The following XPOT variants were observed in gnomAD, a reference collection of about 807,000 sequenced individuals.
XPOT encodes exportin-T.
Under a neutral mutation model 128.2 loss-of-function variants are expected in XPOT, and 34 were observed. That is an observed-to-expected ratio of 0.27 (90% confidence interval 0.20 to 0.35). The LOEUF (loss-of-function observed/expected upper bound fraction) is 0.35, where lower values mean the gene tolerates loss of function less well. Ranked by LOEUF, XPOT falls within the 10% of genes least tolerant of loss-of-function variation. The pLI is 1.00. For synonymous variants in XPOT, 348 were observed against 394.3 expected, an observed-to-expected ratio of 0.88 and a Z score of 1.39; for missense variants, 838 against 1,125.3, an observed-to-expected ratio of 0.74 and a Z score of 3.65.
chr12:64,430,276 T>C lies in XPOT; in HGVS notation c.1965T>C (p.Val655=), dbSNP rs759406744. 9 of 1,576,934 alleles carry C rather than the reference T, an allele frequency of 5.7e-6. No homozygotes were observed. In the South Asian group the frequency reaches 9.5e-5, roughly 17 times the overall value. Residue 655 remains valine (V), a synonymous_variant, in exon 17 of 25, where the codon GTT becomes GTC. Coordinates refer to ENST00000332707, the MANE Select transcript of XPOT (RefSeq NM_007235.6). ...ASLADCLNHA[V]GFASRTSKAF... is the part of the protein sequence containing the mutation. Reference sequence around the variant, plus strand: ...TAGCAGACTGTCTTAACCATGCTGTTGGATTTGCAAGGTAAGTGTGATCAC... The same window carrying C: ...TAGCAGACTGTCTTAACCATGCTGTCGGATTTGCAAGGTAAGTGTGATCAC...
intron 2 of XPOT, among the ~76,000 whole-genome samples, chr12:64,411,672 T>C (rs927988625): frequency 6.6e-6 from 1 of 152,220 alleles, no homozygotes; most frequent in Non-Finnish European, 1.5e-5. Flanking sequence ...TTAAAGTGAA[T>C]TCTGAAAGCC....
At chr12:64,420,843 C>T (rs1434921095) in intron 8 of XPOT, among the ~76,000 whole-genome samples, 1 of 152,174 alleles carries the variant, frequency 6.6e-6, no homozygotes, top group East Asian at 1.9e-4. Context: ...CTCTGTTGCC[C>T]AGGCTGGAGT....
chr12:64,429,493 G>A (rs2040219562), intron 16 of XPOT, among the ~76,000 whole-genome samples: 1 of 151,488 alleles, frequency 6.6e-6, no homozygotes, highest in Non-Finnish European at 1.5e-5. Context: ...ACCCAGGCTG[G>A]AGTGCAGTGG....
chr12:64,431,252 A>G (rs1392522218), intron 17 of XPOT, among the ~76,000 whole-genome samples: 1 of 152,186 alleles, frequency 6.6e-6, no homozygotes, highest in Non-Finnish European at 1.5e-5. Flanking sequence ...CCCAGTCAAT[A>G]GGATTTTAAT....
intron 3 of XPOT, 44 bp from the exon 4 acceptor site, chr12:64,416,654 C>A: frequency 1.3e-6 from 2 of 1,515,066 alleles, no homozygotes; most frequent in South Asian, 2.3e-5. Flanking sequence ...TTGTTTTCCT[C>A]AGTTCATATT....
intron 15 of XPOT, among the ~76,000 whole-genome samples, chr12:64,426,298 C>CAAAAAA (rs144538945): frequency 1.6e-5 from 2 of 123,670 alleles, no homozygotes; most frequent in Non-Finnish European, 1.6e-5. Context: ...GACTCAGTCT[C>CAAAAAA]AAAAAAAAAA....
intron 2 of XPOT, among the ~76,000 whole-genome samples, chr12:64,410,505 A>G (rs1295983522): frequency 6.6e-6 from 1 of 151,922 alleles, no homozygotes; most frequent in Non-Finnish European, 1.5e-5. Flanking sequence ...ATTTTTTTCT[A>G]GAGATAGGGT....
intron 22 of XPOT, 52 bp from the exon 23 acceptor site, chr12:64,439,192 A>G: frequency 2.0e-6 from 3 of 1,528,766 alleles, no homozygotes; most frequent in Non-Finnish European, 2.7e-6. Context: ...ATTCTTTTTA[A>G]GCTTATTAAT....
chr12:64,430,590 A>G (rs1016654274), intron 17 of XPOT, among the ~76,000 whole-genome samples: 2 of 152,190 alleles, frequency 1.3e-5, no homozygotes, highest in African/African-American at 4.8e-5. Flanking sequence ...GGGACGGGAC[A>G]TCTTTGGTTA....
Position 64,421,476 on chromosome 12 carries a change from GT to G in XPOT, c.1080+10del. ...TATCTTCATATTTTGAAACAGGTAA[GT>G]TTTTGTTTTATTCTTTTTGCTCAAT... On this transcript the variant is annotated splice_donor_region_variant and intron_variant, in intron 9 of 24. Coordinates refer to ENST00000332707, the MANE Select transcript of XPOT (RefSeq NM_007235.6). The G allele has an allele frequency of 6.3e-7, 1 of 1,594,012 alleles. No homozygotes were observed. The highest frequency in any genetic ancestry group is 2.2e-5 in the East Asian group (1 of 44,678).
rs559609588 is a variant in XPOT, at chr12:64,409,707, C to T, written c.-74-255C>T. On this transcript the variant is annotated intron_variant, in intron 1 of 24. Transcript: ENST00000332707. ...CTGATACGGTGCCACTGCACTCCAGCCTGGGCAACAGAGTGAGACTCCGTC... is the reference window on the plus strand; with the variant it reads ...CTGATACGGTGCCACTGCACTCCAGTCTGGGCAACAGAGTGAGACTCCGTC... 42 of 230,902 alleles carry T rather than the reference C, an allele frequency of 1.8e-4. No individual in the cohort carries two copies. The South Asian group carries it at 2.7e-3, about 15-fold the overall frequency. The allele number at this position is 230,902 out of a possible 1,614,324, so 14.3% of individuals were successfully genotyped here.
At chr12:64,421,939 A>G (rs1344029636) in intron 9 of XPOT, among the ~76,000 whole-genome samples, 1 of 152,068 alleles carries the variant, frequency 6.6e-6, no homozygotes, top group Non-Finnish European at 1.5e-5. Flanking sequence ...CAACCTCCCA[A>G]GTACCTGGGA....
intron 1 of XPOT, among the ~76,000 whole-genome samples, chr12:64,408,834 T>C (rs2040008025): frequency 6.6e-6 from 1 of 152,106 alleles, no homozygotes; most frequent in South Asian, 2.1e-4. Context: ...CCACCAAGCC[T>C]GGCTGATTTT....
rs945392811 is a variant in XPOT, at chr12:64,404,697, G to C, written c.-182G>C. 2.0e-5 allele frequency: 3 copies of C among 152,500 alleles called. No homozygotes were observed. The highest frequency in any genetic ancestry group is 4.4e-5 in the Non-Finnish European group (3 of 68,298). 9.4% of individuals were successfully genotyped at this position (152,500 alleles called of 1,614,324 possible). On this transcript the variant is annotated 5_prime_UTR_variant, in exon 1 of 25. Coordinates refer to ENST00000332707, the MANE Select transcript of XPOT (RefSeq NM_007235.6). ...TGCGGCCGTGGCGGAGGACTACGGC[G>C]ACAAGGACGAGGGCCGCTCTCCCAG...
At position 64,412,637 on chromosome 12, in the gene XPOT, T is replaced by C. The variant is rs551663486; in HGVS notation, c.61-2270T>C. ...AGACATTATTTACTCTGGGCTGTTT[T>C]CCAATACCAACAACCAACTCTCTTG... On this transcript the variant is annotated intron_variant, in intron 2 of 24. Transcript: ENST00000332707. Among the ~76,000 whole-genome samples the C allele has an allele frequency of 2.0e-5, 3 of 152,356 alleles. 1 individual carries two copies. Among genetic ancestry groups the C allele is most frequent in the African/African-American group, 4.8e-5 (2 of 41,566 alleles).
At chr12:64,439,123 G>C (rs551972124) in intron 22 of XPOT, 121 bp from the exon 23 acceptor site, 14 of 854,336 alleles carry the variant, frequency 1.6e-5, no homozygotes, top group East Asian at 5.4e-5. Context: ...TCTGGCTCTC[G>C]GGTCTGTGTT....
In XPOT at chr12:64,430,078, C is replaced by T. The variant is rs766274967; in HGVS notation, c.1767C>T (p.Ser589=). ...PENGHQSLLS[S]DDQLFIYETA... Reference sequence around the variant, plus strand: ...ATGGCCACCAGTCCTTACTGAGCAGCGATGATCAACTTTTTATTTATGAGA... The same window carrying T: ...ATGGCCACCAGTCCTTACTGAGCAGTGATGATCAACTTTTTATTTATGAGA... Residue 589 remains serine, a synonymous_variant, in exon 17 of 25, where the codon AGC becomes AGT. Transcript: ENST00000332707. 9 of 1,610,770 alleles carry T rather than the reference C, an allele frequency of 5.6e-6. No homozygotes were observed. Among genetic ancestry groups the T allele is most frequent in the South Asian group, 3.3e-5 (3 of 90,402 alleles).
chr12:64,427,785 G>A (rs1468081249), intron 15 of XPOT, among the ~76,000 whole-genome samples: 1 of 152,060 alleles, frequency 6.6e-6, no homozygotes, highest in African/African-American at 2.4e-5. Flanking sequence ...CACTGCACTT[G>A]GCCTGTATTA....
intron 23 of XPOT, among the ~76,000 whole-genome samples, chr12:64,440,940 A>G (rs979506416): frequency 2.0e-5 from 3 of 152,084 alleles, no homozygotes; most frequent in African/African-American, 7.2e-5. Context: ...TGCTTACTTT[A>G]TGGTGCAGAA....
Sources: allele counts gnomAD v4.1 joint callset (sites outside exome capture counted in the v4.1 genomes callset), GRCh38; gene constraint gnomAD v4.1.1; transcripts MANE v1.5; gene names NCBI Gene and HGNC (gene_info 2026-07-23, HGNC 2026-07-21).